The following KCNH8 variants were observed in gnomAD, a reference collection of about 807,000 sequenced individuals.
KCNH8 encodes potassium voltage-gated channel subfamily H member 8, also known as voltage-gated delayed rectifier potassium channel KCNH8.
Under a neutral mutation model 103.6 loss-of-function variants are expected in KCNH8, and 70 were observed. The ratio of observed to expected loss-of-function variants is 0.68; its 90% CI spans 0.56 to 0.82. The LOEUF (loss-of-function observed/expected upper bound fraction) is 0.82, where lower values mean the gene tolerates loss of function less well. Ranked by LOEUF, KCNH8 falls within the 40% of genes least tolerant of loss-of-function variation. KCNH8 has a pLI of 0.00. For missense variants in KCNH8, 1,217 were observed against 1,329.9 expected (o/e 0.92, Z 1.32); for synonymous variants, 498 against 489.4 (o/e 1.02, Z -0.23).
intron 3 of KCNH8, among the ~76,000 whole-genome samples, chr3:19,333,296 A>G (rs970614155): frequency 1.3e-5 from 2 of 152,154 alleles, no homozygotes; most frequent in African/African-American, 4.8e-5. Flanking sequence ...CCCAGTATGT[A>G]ATTTGTACTA....
chr3:19,264,422 T>G (rs1468589372), intron 2 of KCNH8, among the ~76,000 whole-genome samples: 1 of 152,114 alleles, frequency 6.6e-6, no homozygotes, highest in East Asian at 1.9e-4. Context: ...TTTCCTATGG[T>G]CATGACTAAA....
chr3:19,256,649 C>G (rs151052496), intron 2 of KCNH8, among the ~76,000 whole-genome samples: 7 of 152,080 alleles, frequency 4.6e-5, no homozygotes, highest in Non-Finnish European at 8.8e-5. Flanking sequence ...TCACAATATC[C>G]GAATCTAGGT....
chr3:19,313,407 T>A (rs2065231487), intron 3 of KCNH8, among the ~76,000 whole-genome samples: 1 of 151,942 alleles, frequency 6.6e-6, no homozygotes, highest in Non-Finnish European at 1.5e-5. Context: ...TTTTTCCAGC[T>A]ACAGTATAAA....
intron 2 of KCNH8, among the ~76,000 whole-genome samples, chr3:19,264,326 C>T (rs2064478006): frequency 6.6e-6 from 1 of 152,040 alleles, no homozygotes; most frequent in Non-Finnish European, 1.5e-5. Context: ...TCTATTTGCA[C>T]ATAAGCTTTG....
chr3:19,278,066 A>T (rs114998853), intron 2 of KCNH8, among the ~76,000 whole-genome samples: 5 of 152,098 alleles, frequency 3.3e-5, no homozygotes, highest in Non-Finnish European at 5.9e-5. Flanking sequence ...GCCCACAGGT[A>T]AGAGAGGAAG....
chr3:19,287,438 A>T lies in KCNH8; in HGVS notation c.442+6109A>T, dbSNP rs1260462110. Among the ~76,000 whole-genome samples the T allele has an allele frequency of 2.0e-5, 3 of 152,200 alleles. No individual in the cohort carries two copies. In the East Asian group the frequency reaches 5.8e-4, roughly 29 times the overall value. ...ATGAGAATCTTACTAACTTTCCAAC[A>T]CTTTGGGCCATCACATTATTAAAAT... On this transcript the variant is annotated intron_variant, in intron 3 of 15. Coordinates refer to ENST00000328405, the MANE Select transcript of KCNH8 (RefSeq NM_144633.3).
chr3:19,475,384 C>A (rs2067952278), intron 11 of KCNH8, among the ~76,000 whole-genome samples: 1 of 152,142 alleles, frequency 6.6e-6, no homozygotes, highest in South Asian at 2.1e-4. Flanking sequence ...CAAAGAGAAG[C>A]TCCTCATATC....
At chr3:19,170,131 T>G (rs2125192957) in intron 1 of KCNH8, among the ~76,000 whole-genome samples, 1 of 152,324 alleles carries the variant, frequency 6.6e-6, no homozygotes, top group South Asian at 2.1e-4. Flanking sequence ...GTGACACATT[T>G]AAAGAAATGG....
chr3:19,485,707 G>A (rs1211933237), intron 11 of KCNH8, among the ~76,000 whole-genome samples: 2 of 152,168 alleles, frequency 1.3e-5, no homozygotes, highest in Non-Finnish European at 2.9e-5. Flanking sequence ...GGCTGCTACC[G>A]ATGCCCAGTA....
At chr3:19,272,870 A>G (rs183115255) in intron 2 of KCNH8, among the ~76,000 whole-genome samples, 54 of 152,180 alleles carry the variant, frequency 3.5e-4, no homozygotes, top group South Asian at 2.1e-3. Flanking sequence ...TTTATAATTT[A>G]TTGTTTTTCA....
At chr3:19,526,586 T>TCTAA (rs960784397) in intron 15 of KCNH8, among the ~76,000 whole-genome samples, 1 of 151,882 alleles carries the variant, frequency 6.6e-6, no homozygotes, top group Non-Finnish European at 1.5e-5. Flanking sequence ...AAACACACAA[T>TCTAA]CTAACTGTGG....
intron 15 of KCNH8, among the ~76,000 whole-genome samples, chr3:19,524,033 T>G (rs1478809217): frequency 6.6e-6 from 1 of 151,906 alleles, no homozygotes; most frequent in African/African-American, 2.4e-5. Flanking sequence ...ATTTAAGAGT[T>G]GCTTTACTAC....
chr3:19,477,969 C>T (rs184966860), intron 11 of KCNH8, among the ~76,000 whole-genome samples: 1 of 152,194 alleles, frequency 6.6e-6, no homozygotes, highest in Admixed American at 6.5e-5. Flanking sequence ...CTCTGTATGT[C>T]CATGTATACC....
At chr3:19,432,113 G>T (rs2067131907) in intron 7 of KCNH8, among the ~76,000 whole-genome samples, 1 of 152,064 alleles carries the variant, frequency 6.6e-6, no homozygotes, top group East Asian at 1.9e-4. Context: ...CTCTTTAACA[G>T]GTTATTTGTA....
At chr3:19,320,312 T>A (rs1303064734) in intron 3 of KCNH8, among the ~76,000 whole-genome samples, 1 of 152,080 alleles carries the variant, frequency 6.6e-6, no homozygotes, top group African/African-American at 2.4e-5. Context: ...AGGTGTCTTT[T>A]ATTACCTTAA....
intron 11 of KCNH8, among the ~76,000 whole-genome samples, chr3:19,474,873 G>C (rs187256951): frequency 3.3e-5 from 5 of 152,174 alleles, no homozygotes; most frequent in Admixed American, 3.3e-4. Context: ...ATTTTCCTTT[G>C]AGGCTAATAT....
At chr3:19,232,632 C>T (rs2064009417) in intron 1 of KCNH8, among the ~76,000 whole-genome samples, 1 of 152,146 alleles carries the variant, frequency 6.6e-6, no homozygotes, top group South Asian at 2.1e-4. Context: ...CAAGGTTAGT[C>T]ACTGGCACAC....
intron 10 of KCNH8, 29 bp downstream of exon 10, chr3:19,451,433 A>G (rs377732971): frequency 6.2e-7 from 1 of 1,605,028 alleles, no homozygotes; most frequent in Admixed American, 1.7e-5. Flanking sequence ...ACTTGTATGA[A>G]ATTTGACTCT....
intron 7 of KCNH8, among the ~76,000 whole-genome samples, chr3:19,434,719 A>G (rs1375008933): frequency 1.3e-5 from 2 of 152,114 alleles, no homozygotes; most frequent in Admixed American, 1.3e-4. Context: ...TATGCTTGGA[A>G]TTTGCATTTG....
Sources: allele counts gnomAD v4.1 joint callset (sites outside exome capture counted in the v4.1 genomes callset), GRCh38; gene constraint gnomAD v4.1.1; transcripts MANE v1.5; gene names NCBI Gene and HGNC (gene_info 2026-07-23, HGNC 2026-07-21).